The following CANX variants were observed in gnomAD, a reference collection of about 807,000 sequenced individuals.
CANX encodes the protein epididymis secretory sperm binding protein.
In CANX, 14 loss-of-function variants were observed where a neutral mutation model predicts 75.7. The ratio of observed to expected loss-of-function variants is 0.19; its 90% CI spans 0.12 to 0.29. CANX has a LOEUF of 0.29. Among genes scored for constraint, CANX ranks in the 10% least tolerant of loss-of-function variants. CANX has a pLI of 1.00. For missense variants in CANX, 567 were observed against 713.2 expected, an observed-to-expected ratio of 0.79 and a Z score of 2.34; for synonymous variants, 227 against 236.9, an observed-to-expected ratio of 0.96 and a Z score of 0.38.
chr5:179,697,541 T>G (rs1357233018), upstream of CANX, among the ~76,000 whole-genome samples: 2 of 152,336 alleles, frequency 1.3e-5, no homozygotes, highest in African/African-American at 4.8e-5. Context: ...TCATGTAGCA[T>G]CCAGAATTTT....
At chr5:179,706,163 G>T (rs1273360015) in intron 2 of CANX, 95 bp from the exon 3 acceptor site, 24 of 732,536 alleles carry the variant, frequency 3.3e-5, no homozygotes, top group African/African-American at 5.4e-5. Flanking sequence ...TGAAATTTTT[G>T]TGACAGTTGA....
chr5:179,720,667 G>T, intron 10 of CANX, 107 bp downstream of exon 10: 1 of 976,878 alleles, frequency 1.0e-6, no homozygotes, highest in Non-Finnish European at 1.6e-6. Context: ...TCAAGCTGTT[G>T]AATTAAAAGC....
At chr5:179,698,960 G>A, upstream of CANX, 1 of 1,119,510 alleles carries the variant, frequency 8.9e-7, no homozygotes, top group Non-Finnish European at 1.1e-6. Context: ...GGGCTCGCTC[G>A]CGCGGCAGCG....
At position 179,708,270 on chromosome 5, in the gene CANX, A is replaced by G. The variant is rs759471723; in HGVS notation, c.336A>G (p.Ser112=). 2.5e-6 allele frequency: 4 copies of G among 1,613,784 alleles called. No homozygotes were observed. Among genetic ancestry groups the G allele is most frequent in the Non-Finnish European group, 2.5e-6 (3 of 1,179,708 alleles). Reference sequence around the variant, plus strand: ...GGGAGGTAGAGGAAATGAAGGAGTCAAAGCTTCCAGGTGATAAAGGACTTG... The same window carrying G: ...GGGAGGTAGAGGAAATGAAGGAGTCGAAGCTTCCAGGTGATAAAGGACTTG... The part of the protein sequence containing the change: ...GKWEVEEMKE[S]KLPGDKGLVL... The change falls in exon 5 of 15, where the codon TCA becomes TCG. Residue 112 remains serine (S), a synonymous_variant. Transcript: ENST00000247461.
chr5:179,685,342 T>C (rs2113034449), intron 1 of CANX, among the ~76,000 whole-genome samples: 1 of 152,124 alleles, frequency 6.6e-6, no homozygotes, highest in East Asian at 1.9e-4. Context: ...TGGTGCAATC[T>C]TGGCTCACTG....
chr5:179,707,560 G>A (rs1581854075), intron 4 of CANX, among the ~76,000 whole-genome samples: 1 of 148,674 alleles, frequency 6.7e-6, no homozygotes, highest in Non-Finnish European at 1.5e-5. Context: ...CTCCAGCCTG[G>A]GTGACAGAGC....
chr5:179,700,254 C>G (rs913728907), intron 1 of CANX: 1 of 152,056 alleles, frequency 6.6e-6, no homozygotes, highest in African/African-American at 2.4e-5. Flanking sequence ...ATTGAGAGGA[C>G]AAGATTAACC....
chr5:179,679,092 G>C, intron 1 of CANX: 5 of 1,535,810 alleles, frequency 3.3e-6, no homozygotes, highest in Non-Finnish European at 4.4e-6. Flanking sequence ...TGCAGCGTCT[G>C]CCACAGGCGG....
intron 1 of CANX, among the ~76,000 whole-genome samples, chr5:179,689,378 A>AGTTTTTT (rs1562438541): frequency 9.2e-5 from 9 of 98,230 alleles, no homozygotes; most frequent in Non-Finnish European, 2.0e-4. Context: ...AAACCCAACA[A>AGTTTTTT]GTTTTTTTTT....
At chr5:179,681,021 G>T in intron 1 of CANX, 1 of 1,017,884 alleles carries the variant, frequency 9.8e-7, no homozygotes. Flanking sequence ...TTGCTGAGCT[G>T]CTGTCCCAGG....
chr5:179,726,817 G>A, intron 14 of CANX, 58 bp downstream of exon 14: 1 of 1,305,490 alleles, frequency 7.7e-7, no homozygotes, highest in Non-Finnish European at 1.1e-6. Context: ...TTTATGTAAA[G>A]GGAATATTTT....
At chr5:179,699,383 C>T (rs1465849945) in intron 1 of CANX, among the ~76,000 whole-genome samples, 2 of 152,184 alleles carry the variant, frequency 1.3e-5, no homozygotes, top group Admixed American at 1.3e-4. Context: ...ATTCCTATGG[C>T]TTTGCTTCTA....
chr5:179,716,010 C>T (rs764287466), intron 7 of CANX, 95 bp from the exon 8 acceptor site: 4 of 940,668 alleles, frequency 4.3e-6, no homozygotes, highest in East Asian at 5.0e-5. Flanking sequence ...GGTCAGACTT[C>T]TGCTGCTTCA....
chr5:179,707,317 G>A, intron 4 of CANX, 127 bp downstream of exon 4: 1 of 635,994 alleles, frequency 1.6e-6, no homozygotes, highest in Non-Finnish European at 2.9e-6. Flanking sequence ...AGGTGCGGTG[G>A]CTCACGCCTG....
At chr5:179,723,347 A>C (rs1221296874) in intron 11 of CANX, 2 of 420,048 alleles carry the variant, frequency 4.8e-6, no homozygotes, top group Non-Finnish European at 8.4e-6. Flanking sequence ...ACAACTGGTC[A>C]TGTGGCCGAT....
At chr5:179,698,709 G>T, upstream of CANX, 1 of 861,666 alleles carries the variant, frequency 1.2e-6, no homozygotes, top group Non-Finnish European at 1.7e-6. Context: ...GCGCCCGGCG[G>T]TCTCGATCCA....
rs58874777 is a variant in CANX, at chr5:179,690,576, CAAA to C, written c.-4+11820_-4+11822del. Among the ~76,000 whole-genome samples the C allele has an allele frequency of 6.1e-3, 362 of 59,830 alleles. 2 individuals carry two copies. The highest frequency in any genetic ancestry group is 0.021 in the African/African-American group (322 of 15,254). 39.3% of individuals were successfully genotyped at this position (59,830 alleles called of 152,430 possible). A position where few individuals can be genotyped will look rare whatever the true frequency, so the allele number is the denominator to read the frequency against. ...GGGGGACAAGAGTGAGACTTCATCT[CAAA>C]AAAAAAAAAAAAAAAAAAAATCTGA... On this transcript the variant is annotated intron_variant, in intron 1 of 14. Transcript: ENST00000681674.
In CANX at chr5:179,731,197, G is replaced by A. The variant is rs990020472; in HGVS notation, c.*2553G>A. Among the ~76,000 whole-genome samples the A allele has an allele frequency of 6.6e-6, 1 of 152,168 alleles. No individual in the cohort carries two copies. Among genetic ancestry groups the A allele is most frequent in the African/African-American group, 2.4e-5 (1 of 41,428 alleles). On this transcript the variant is annotated 3_prime_UTR_variant, in exon 15 of 15. Coordinates refer to ENST00000247461, the MANE Select transcript of CANX (RefSeq NM_001746.4). ...ACAGCAGCTCAGAAAAGGAGGGAAT[G>A]CTACTGATAATTTGTAGATAATATT... is the stretch of plus-strand genomic sequence containing the variant.
chr5:179,726,087 G>A (rs1326822873), intron 13 of CANX, among the ~76,000 whole-genome samples: 1 of 150,606 alleles, frequency 6.6e-6, no homozygotes, highest in Non-Finnish European at 1.5e-5. Flanking sequence ...TCAGGAGTTC[G>A]AGATCAGCCT....
Sources: gnomAD v4.1 joint callset for allele counts (sites outside exome capture counted in the v4.1 genomes callset) on GRCh38, gnomAD v4.1.1 for gene constraint, MANE v1.5 for transcripts, NCBI Gene and HGNC (gene_info 2026-07-23, HGNC 2026-07-21) for gene names.